TTC7A: variants seen among roughly 807,000 people sequenced by gnomAD.
The protein encoded by TTC7A is tetratricopeptide repeat protein 7A.
Under a neutral mutation model 103.7 loss-of-function variants are expected in TTC7A, and 110 were observed. The observed-to-expected ratio is 1.06, with a 90% CI of 0.91 to 1.24. The LOEUF is 1.24. Ranked by LOEUF, TTC7A falls within the 50% of genes most tolerant of loss-of-function variation. The probability of loss-of-function intolerance (pLI) is 0.00; values close to 1 mark genes in which losing one functional copy is unlikely to be tolerated. For synonymous variants in TTC7A, 521 were observed against 467.9 expected, an observed-to-expected ratio of 1.11 and a Z score of -1.47; for missense variants, 1,340 against 1,116.3, an observed-to-expected ratio of 1.20 and a Z score of -2.86.
At chr2:47,035,864 C>G (rs1187172461) in intron 15 of TTC7A, among the ~76,000 whole-genome samples, 1 of 152,174 alleles carries the variant, frequency 6.6e-6, no homozygotes, top group African/African-American at 2.4e-5. Flanking sequence ...CAGAGCTGAC[C>G]TCTCCTCTGC....
rs147074098 is a variant in TTC7A, at chr2:47,016,862, G to A, written c.1393-5000G>A. Among the ~76,000 whole-genome samples, 4 of 152,234 alleles carry A rather than the reference G, an allele frequency of 2.6e-5. No individual in the cohort carries two copies. In the East Asian group the frequency reaches 5.8e-4, roughly 22 times the overall value. ...CTGATTAGAGCAATTTTTCCAGATCGCAGGTGGGGCCCATTAGTGGGCTGT... is the reference window on the plus strand; with the variant it reads ...CTGATTAGAGCAATTTTTCCAGATCACAGGTGGGGCCCATTAGTGGGCTGT... On this transcript the variant is annotated intron_variant, in intron 11 of 19. Coordinates refer to ENST00000319190, the MANE Select transcript of TTC7A (RefSeq NM_020458.4).
chr2:46,916,118 G>A, upstream of TTC7A: 1 of 985,592 alleles, frequency 1.0e-6, no homozygotes. Context: ...GATCCGGATG[G>A]GGCGGACCCC....
chr2:47,072,641 A>AC (rs879543800), intron 19 of TTC7A, among the ~76,000 whole-genome samples: 30 of 151,280 alleles, frequency 2.0e-4, no homozygotes, highest in Non-Finnish European at 3.3e-4. Context: ...GCAGCTCCCC[A>AC]CCCCCACTGC....
Position 47,075,329 on chromosome 2 carries a change from G to T in TTC7A, c.*1406G>T, listed in dbSNP as rs900985049. ...TTTTTATCTATATATATAAAATAGA[G>T]ATCTATTTTTTTTCTGGAATTCTGT... On this transcript the variant is annotated 3_prime_UTR_variant, in exon 20 of 20. Coordinates refer to ENST00000319190, the MANE Select transcript of TTC7A (RefSeq NM_020458.4). 1 of 152,158 alleles carries T rather than the reference G, an allele frequency of 6.6e-6. No homozygotes were observed. The highest frequency in any genetic ancestry group is 2.4e-5 in the African/African-American group (1 of 41,432). 9.4% of individuals were successfully genotyped at this position (152,158 alleles called of 1,614,324 possible). A position where few individuals can be genotyped will look rare whatever the true frequency, so the allele number is the denominator to read the frequency against.
At position 47,004,144 on chromosome 2, in the gene TTC7A, C is replaced by T. The variant is rs896445300; in HGVS notation, c.1066-1778C>T. On this transcript the variant is annotated intron_variant, in intron 8 of 19. Coordinates refer to ENST00000319190, the MANE Select transcript of TTC7A (RefSeq NM_020458.4). ...AGCCTTGCCGGGATTTCCGGGCATC[C>T]CGGCACCCTCTCCTGGGCCATCTAA... Among the ~76,000 whole-genome samples the T allele has an allele frequency of 3.9e-5, 6 of 152,194 alleles. 1 individual carries two copies. The highest frequency in any genetic ancestry group is 3.9e-4 in the Admixed American group (6 of 15,290).
At chr2:47,047,837 TAG>T in intron 16 of TTC7A, among the ~76,000 whole-genome samples, 1 of 152,194 alleles carries the variant, frequency 6.6e-6, no homozygotes, top group East Asian at 1.9e-4. Context: ...TGCCCCAAAC[TAG>T]ATTTTATAAG....
At chr2:47,044,261 CCAAAAATT>C (rs1331149425) in intron 15 of TTC7A, among the ~76,000 whole-genome samples, 1 of 152,216 alleles carries the variant, frequency 6.6e-6, no homozygotes, top group Non-Finnish European at 1.5e-5. Context: ...TGAGTCTGAT[CCAAAAATT>C]CAGCCCTTGA....
chr2:46,953,234 G>T (rs1671559237), intron 2 of TTC7A, among the ~76,000 whole-genome samples: 1 of 152,126 alleles, frequency 6.6e-6, no homozygotes. Flanking sequence ...GCTCACTGCA[G>T]ACTGGACCTC....
chr2:47,068,862 CAAAAAAAA>C (rs201835431), intron 19 of TTC7A, among the ~76,000 whole-genome samples: 56 of 69,802 alleles, frequency 8.0e-4, no homozygotes, highest in African/African-American at 1.8e-3. Context: ...TCAATTTTTT[CAAAAAAAA>C]AAAAAAAAAA....
intron 5 of TTC7A, among the ~76,000 whole-genome samples, chr2:46,982,800 A>C (rs1257289489): frequency 6.6e-6 from 1 of 151,894 alleles, no homozygotes; most frequent in African/African-American, 2.4e-5. Context: ...CGTCTCTACA[A>C]AAAAAAATTA....
At chr2:47,064,339 G>A (rs1199952101) in intron 19 of TTC7A, among the ~76,000 whole-genome samples, 1 of 152,226 alleles carries the variant, frequency 6.6e-6, no homozygotes, top group Non-Finnish European at 1.5e-5. Context: ...CTGCCAGTGT[G>A]GTCCCAGACT....
At chr2:47,044,380 T>G (rs1166187251) in intron 15 of TTC7A, among the ~76,000 whole-genome samples, 1 of 152,196 alleles carries the variant, frequency 6.6e-6, no homozygotes, top group Non-Finnish European at 1.5e-5. Context: ...CCCCTGATAC[T>G]TATGGAGTGT....
At chr2:47,072,981 G>T (rs1036681535) in intron 19 of TTC7A, among the ~76,000 whole-genome samples, 2 of 152,140 alleles carry the variant, frequency 1.3e-5, no homozygotes, top group African/African-American at 4.8e-5. Flanking sequence ...GAGCCAAACA[G>T]CAGGGCCAAG....
At chr2:47,006,156 C>A in intron 9 of TTC7A, 97 bp downstream of exon 9, 2 of 1,489,972 alleles carry the variant, frequency 1.3e-6, no homozygotes, top group Non-Finnish European at 1.8e-6. Flanking sequence ...CCTGTCATTC[C>A]CCTGCCAGGC....
Position 47,054,317 on chromosome 2 carries a change from A to G in TTC7A, c.2152+2437A>G, listed in dbSNP as rs1452461232. ...ACAGCGACTCTTCTGTCCCTAGGGT[A>G]TCACTGTCGTCCATGTGGTCCAGGA... On this transcript the variant is annotated intron_variant, in intron 18 of 19. Coordinates refer to ENST00000319190, the MANE Select transcript of TTC7A (RefSeq NM_020458.4). 1.1e-5 allele frequency: 3 copies of G among 277,536 alleles called. 1 individual carries two copies. The highest frequency in any genetic ancestry group is 2.8e-4 in the South Asian group (2 of 7,182). The allele number at this position is 277,536 out of a possible 1,614,324, so 17.2% of individuals were successfully genotyped here.
intron 3 of TTC7A, among the ~76,000 whole-genome samples, chr2:46,970,667 C>T (rs1015389945): frequency 3.3e-5 from 5 of 152,236 alleles, no homozygotes; most frequent in Non-Finnish European, 7.3e-5. Flanking sequence ...TTCGTAGGTT[C>T]GCCCCACCTT....
intron 3 of TTC7A, among the ~76,000 whole-genome samples, chr2:46,957,681 A>G (rs1672004035): frequency 6.6e-6 from 1 of 151,704 alleles, no homozygotes; most frequent in Non-Finnish European, 1.5e-5. Flanking sequence ...GAATCGTGCC[A>G]TTTAACTGGA....
chr2:46,965,685 C>T (rs1190228353), intron 3 of TTC7A, among the ~76,000 whole-genome samples: 2 of 151,848 alleles, frequency 1.3e-5, no homozygotes, highest in Non-Finnish European at 2.9e-5. Flanking sequence ...TCTCAGCCTC[C>T]AGAATAGCTG....
chr2:47,066,935 A>T (rs1684227745), intron 19 of TTC7A, among the ~76,000 whole-genome samples: 1 of 152,202 alleles, frequency 6.6e-6, no homozygotes, highest in Non-Finnish European at 1.5e-5. Flanking sequence ...GAGGCTGAGA[A>T]GTCAAAGATC....
Sources: gnomAD v4.1 joint callset for allele counts (sites outside exome capture counted in the v4.1 genomes callset) on GRCh38, gnomAD v4.1.1 for gene constraint, MANE v1.5 for transcripts, NCBI Gene and HGNC (gene_info 2026-07-23, HGNC 2026-07-21) for gene names.